The following NRG3 variants were observed in gnomAD, a reference collection of about 807,000 sequenced individuals.
NRG3 encodes the protein pro-neuregulin-3, membrane-bound isoform.
Under a neutral mutation model 66.9 loss-of-function variants are expected in NRG3, and 31 were observed. The observed-to-expected ratio is 0.46, with a 90% CI of 0.35 to 0.63. The LOEUF (loss-of-function observed/expected upper bound fraction) is 0.63. NRG3 is among the 20% of genes least tolerant of loss of function. NRG3 has a pLI of 0.00. For synonymous variants in NRG3, 393 were observed against 359.4 expected, an observed-to-expected ratio of 1.09 and a Z score of -1.06; for missense variants, 910 against 878.9, an observed-to-expected ratio of 1.04 and a Z score of -0.45.
intron 2 of NRG3, among the ~76,000 whole-genome samples, chr10:82,514,571 T>C (rs1845481763): frequency 6.6e-6 from 1 of 152,180 alleles, no homozygotes; most frequent in Non-Finnish European, 1.5e-5. Context: ...AGTACTATGC[T>C]GGTTTTTTTT....
chr10:82,404,293 C>T (rs1158273108), intron 2 of NRG3, among the ~76,000 whole-genome samples: 1 of 152,102 alleles, frequency 6.6e-6, no homozygotes, highest in Admixed American at 6.6e-5. Flanking sequence ...AAGGGTAGCA[C>T]GGTACTGTGC....
chr10:82,761,951 T>TCTTC (rs1434856068), intron 3 of NRG3, among the ~76,000 whole-genome samples: 2 of 145,718 alleles, frequency 1.4e-5, no homozygotes, highest in Non-Finnish European at 3.0e-5. Flanking sequence ...TTTCTTTCTT[T>TCTTC]CTTTCTTTCT....
intron 4 of NRG3, among the ~76,000 whole-genome samples, chr10:82,893,900 A>AG (rs1390766012): frequency 6.6e-6 from 1 of 152,186 alleles, no homozygotes; most frequent in Admixed American, 6.5e-5. Context: ...AAAGAATAGA[A>AG]GGAAAAAATG....
At chr10:82,761,160 A>G (rs2059290591) in intron 3 of NRG3, among the ~76,000 whole-genome samples, 2 of 152,032 alleles carry the variant, frequency 1.3e-5, no homozygotes, top group African/African-American at 4.8e-5. Context: ...CAAAAATGTA[A>G]TATTTTCAAG....
intron 1 of NRG3, among the ~76,000 whole-genome samples, chr10:82,046,997 C>G (rs569658621): frequency 1.5e-5 from 2 of 134,806 alleles, no homozygotes; most frequent in Admixed American, 7.7e-5. Flanking sequence ...ATTTTTGCAT[C>G]AATGTTCATC....
chr10:82,239,445 C>T (rs1400991107), intron 1 of NRG3, among the ~76,000 whole-genome samples: 4 of 152,064 alleles, frequency 2.6e-5, no homozygotes, highest in Non-Finnish European at 4.4e-5. Flanking sequence ...CATGAGCCAC[C>T]GCACCTGGCC....
At chr10:82,192,856 G>A (rs143900891) in intron 1 of NRG3, among the ~76,000 whole-genome samples, 7 of 152,128 alleles carry the variant, frequency 4.6e-5, no homozygotes, top group East Asian at 1.9e-4. Context: ...TTATTATGAC[G>A]TCATAATATC....
intron 1 of NRG3, among the ~76,000 whole-genome samples, chr10:82,027,842 T>A (rs2062384934): frequency 6.6e-6 from 1 of 152,006 alleles, no homozygotes; most frequent in Non-Finnish European, 1.5e-5. Flanking sequence ...GGACTGAAGG[T>A]AAACTCCCAG....
At chr10:82,686,149 C>T (rs1275632082) in intron 2 of NRG3, among the ~76,000 whole-genome samples, 2 of 151,622 alleles carry the variant, frequency 1.3e-5, no homozygotes, top group South Asian at 2.1e-4. Context: ...ATATTATGTA[C>T]TGTACAGAAT....
At chr10:82,000,036 T>C (rs2061100972) in intron 1 of NRG3, among the ~76,000 whole-genome samples, 1 of 152,202 alleles carries the variant, frequency 6.6e-6, no homozygotes, top group Non-Finnish European at 1.5e-5. Flanking sequence ...TATCCAAACA[T>C]ATCAGTTTGA....
At chr10:82,503,252 G>A (rs527402434) in intron 2 of NRG3, among the ~76,000 whole-genome samples, 8 of 152,192 alleles carry the variant, frequency 5.3e-5, no homozygotes, top group African/African-American at 1.9e-4. Flanking sequence ...TTTAGAAGAG[G>A]GTGAGGGAGA....
At chr10:82,199,945 T>G (rs1339246044) in intron 1 of NRG3, among the ~76,000 whole-genome samples, 2 of 151,726 alleles carry the variant, frequency 1.3e-5, no homozygotes, top group East Asian at 3.9e-4. Flanking sequence ...TAAAGGACTA[T>G]ATTCGTATCA....
At chr10:82,642,944 C>T (rs1487459033) in intron 2 of NRG3, among the ~76,000 whole-genome samples, 2 of 151,606 alleles carry the variant, frequency 1.3e-5, no homozygotes, top group Non-Finnish European at 2.9e-5. Context: ...GAAATAGATC[C>T]TGAAAAATGT....
intron 1 of NRG3, among the ~76,000 whole-genome samples, chr10:82,291,155 A>AAC (rs139150473): frequency 0.13 from 19,792 of 150,394 alleles, 1,357 homozygotes; most frequent in East Asian, 0.24. Context: ...CAAGATTAAC[A>AAC]ACACACACAC....
chr10:82,213,700 A>C (rs918350302), intron 1 of NRG3, among the ~76,000 whole-genome samples: 1 of 152,212 alleles, frequency 6.6e-6, no homozygotes, highest in Admixed American at 6.5e-5. Context: ...TACTGTAGGC[A>C]CACAGCATGA....
intron 2 of NRG3, among the ~76,000 whole-genome samples, chr10:82,616,636 GTTCT>G (rs1355098307): frequency 6.6e-6 from 1 of 152,124 alleles, no homozygotes; most frequent in East Asian, 1.9e-4. Context: ...TCTACAGTAT[GTTCT>G]TTGTTTTTCT....
intron 1 of NRG3, among the ~76,000 whole-genome samples, chr10:82,186,636 G>A (rs2133292809): frequency 6.6e-6 from 1 of 152,228 alleles, no homozygotes; most frequent in South Asian, 2.1e-4. Flanking sequence ...AATGCAGATA[G>A]GTGACAAGCA....
chr10:82,011,682 C>T (rs926090616), intron 1 of NRG3, among the ~76,000 whole-genome samples: 11 of 152,110 alleles, frequency 7.2e-5, no homozygotes, highest in African/African-American at 2.7e-4. Flanking sequence ...GAGAAATTGG[C>T]CAAAACATAG....
chr10:82,535,558 GC>G (rs1305212060), intron 2 of NRG3, among the ~76,000 whole-genome samples: 1 of 152,104 alleles, frequency 6.6e-6, no homozygotes, highest in African/African-American at 2.4e-5. Flanking sequence ...TTAGATGACT[GC>G]CGCTAGAGAA....
Sources: gnomAD v4.1 joint callset for allele counts (sites outside exome capture counted in the v4.1 genomes callset) on GRCh38, gnomAD v4.1.1 for gene constraint, MANE v1.5 for transcripts, NCBI Gene and HGNC (gene_info 2026-07-23, HGNC 2026-07-21) for gene names.